The following DNAH14 variants were observed in gnomAD, a reference collection of about 807,000 sequenced individuals.
DNAH14 encodes axonemal beta dynein heavy chain 14.
DNAH14 carries 478 observed loss-of-function variants against 520.9 expected under a neutral mutation model. That is an observed-to-expected ratio of 0.92 (90% confidence interval 0.85 to 0.99). The LOEUF is 0.99. DNAH14 is among the 50% of genes least tolerant of loss of function. The pLI is 0.00. For missense variants in DNAH14, 4,831 were observed against 5,234.5 expected, an observed-to-expected ratio of 0.92 and a Z score of 2.38; for synonymous variants, 1,581 against 1,757.2, an observed-to-expected ratio of 0.90 and a Z score of 2.51.
intron 27 of DNAH14, among the ~76,000 whole-genome samples, chr1:225,135,087 G>A (rs2078834176): frequency 6.6e-6 from 1 of 151,902 alleles, no homozygotes; most frequent in Non-Finnish European, 1.5e-5. Context: ...CTAGCAAATG[G>A]TGTATCTATT....
At chr1:224,947,914 C>T (rs185467024) in intron 1 of DNAH14, among the ~76,000 whole-genome samples, 3 of 152,056 alleles carry the variant, frequency 2.0e-5, no homozygotes, top group East Asian at 3.9e-4. Flanking sequence ...GATGATAAAT[C>T]ATTTCAAATT....
intron 27 of DNAH14, among the ~76,000 whole-genome samples, chr1:225,127,804 C>T (rs985519492): frequency 1.3e-5 from 2 of 152,060 alleles, no homozygotes; most frequent in East Asian, 1.9e-4. Context: ...TTCCTAGTCT[C>T]GATGATCTTT....
chr1:224,990,834 A>G (rs543920075), intron 8 of DNAH14, among the ~76,000 whole-genome samples: 1 of 152,280 alleles, frequency 6.6e-6, no homozygotes, highest in African/African-American at 2.4e-5. Context: ...GTTGAATCAT[A>G]AGGTAACTTT....
At chr1:225,212,003 C>A (rs2088507276) in intron 41 of DNAH14, among the ~76,000 whole-genome samples, 1 of 151,622 alleles carries the variant, frequency 6.6e-6, no homozygotes, top group Admixed American at 6.6e-5. Context: ...GTGTGCTGCA[C>A]CTGTTAACTC....
chr1:225,155,726 A>T (rs983335811), intron 34 of DNAH14, among the ~76,000 whole-genome samples: 1 of 152,138 alleles, frequency 6.6e-6, no homozygotes, highest in African/African-American at 2.4e-5. Flanking sequence ...AGTATACAGG[A>T]AACTGTCTCC....
At chr1:225,001,446 TG>T (rs1198425023) in intron 8 of DNAH14, among the ~76,000 whole-genome samples, 1 of 152,188 alleles carries the variant, frequency 6.6e-6, no homozygotes, top group African/African-American at 2.4e-5. Context: ...GAATGTATTT[TG>T]TTTTCTTTTG....
chr1:225,124,225 G>A (rs950747263), intron 27 of DNAH14, among the ~76,000 whole-genome samples: 3 of 152,194 alleles, frequency 2.0e-5, no homozygotes, highest in African/African-American at 7.2e-5. Context: ...ACCGATCAGG[G>A]TGGTGGTTGC....
intron 36 of DNAH14, among the ~76,000 whole-genome samples, chr1:225,173,564 C>G (rs1158709636): frequency 6.6e-6 from 1 of 152,140 alleles, no homozygotes; most frequent in Non-Finnish European, 1.5e-5. Flanking sequence ...AATGAGATAC[C>G]ATTTCACACC....
intron 27 of DNAH14, among the ~76,000 whole-genome samples, chr1:225,127,767 A>C (rs1038400319): frequency 3.3e-5 from 5 of 151,954 alleles, no homozygotes; most frequent in Non-Finnish European, 7.4e-5. Flanking sequence ...TTAGCTGGTT[A>C]TTTTGCTCAT....
intron 42 of DNAH14, among the ~76,000 whole-genome samples, chr1:225,234,623 A>G (rs538924270): frequency 1.3e-5 from 2 of 152,220 alleles, no homozygotes; most frequent in African/African-American, 4.8e-5. Flanking sequence ...TGAATCTCTA[A>G]ATTGCTTTGG....
intron 27 of DNAH14, among the ~76,000 whole-genome samples, chr1:225,130,122 C>T (rs2078228785): frequency 6.6e-6 from 1 of 152,254 alleles, no homozygotes; most frequent in Non-Finnish European, 1.5e-5. Context: ...CAATGAGATA[C>T]CATCTCACAC....
intron 54 of DNAH14, among the ~76,000 whole-genome samples, chr1:225,279,232 C>A (rs546469131): frequency 6.6e-6 from 1 of 152,224 alleles, no homozygotes; most frequent in East Asian, 1.9e-4. Flanking sequence ...GTCTTGAACT[C>A]CTGACCTCAG....
At chr1:225,110,122 AGGGATATGGGCCT>A (rs1208003476) in intron 23 of DNAH14, among the ~76,000 whole-genome samples, 4 of 152,138 alleles carry the variant, frequency 2.6e-5, no homozygotes, top group Non-Finnish European at 5.9e-5. Context: ...AATTTTCACC[AGGGATATGGGCCT>A]GTAGTTTTCT....
chr1:225,148,058 A>G (rs1336555588), intron 31 of DNAH14, among the ~76,000 whole-genome samples: 1 of 152,016 alleles, frequency 6.6e-6, no homozygotes, highest in Non-Finnish European at 1.5e-5. Context: ...TGTTGATTCC[A>G]TGTCTTTGCT....
Position 225,340,467 on chromosome 1 carries a change from T to G in DNAH14, c.10444T>G (p.Ser3482Ala). 1 of 1,550,440 alleles carries G rather than the reference T, an allele frequency of 6.4e-7. No individual in the cohort carries two copies. The highest frequency in any genetic ancestry group is 8.7e-7 in the Non-Finnish European group (1 of 1,146,064). ...EYNSNFRLYL[S>A]TEIDNPHFLP... ...CTTTCTCATGTTCAGGTTATACTTATCTACAGAAATAGACAACCCCCATTT... is the reference window on the plus strand; with the variant it reads ...CTTTCTCATGTTCAGGTTATACTTAGCTACAGAAATAGACAACCCCCATTT... Residue 3482 changes from serine to alanine, a missense_variant, in exon 69 of 86, where the codon TCT (serine) becomes GCT (alanine). Ser to Ala is a moderately conservative substitution (Grantham distance 99). Coordinates refer to ENST00000682510, the MANE Select transcript of DNAH14 (RefSeq NM_001367479.1).
At chr1:225,168,492 C>A (rs2082263607) in intron 36 of DNAH14, among the ~76,000 whole-genome samples, 1 of 152,196 alleles carries the variant, frequency 6.6e-6, no homozygotes, top group Non-Finnish European at 1.5e-5. Flanking sequence ...AACAGCACAC[C>A]AGGAGATTAT....
chr1:225,237,298 C>A (rs1004609580), intron 42 of DNAH14, among the ~76,000 whole-genome samples: 1 of 152,006 alleles, frequency 6.6e-6, no homozygotes, highest in African/African-American at 2.4e-5. Flanking sequence ...GGAGTTCTTG[C>A]AAGGCAGGCC....
chr1:225,005,265 CT>C (rs1327185818), intron 9 of DNAH14, among the ~76,000 whole-genome samples: 1 of 152,126 alleles, frequency 6.6e-6, no homozygotes, highest in Non-Finnish European at 1.5e-5. Context: ...TGTCCCACTC[CT>C]TTTGCAAGAG....
intron 71 of DNAH14, 42 bp from the exon 72 acceptor site, chr1:225,351,605 G>T: frequency 1.4e-6 from 2 of 1,424,046 alleles, no homozygotes; most frequent in Admixed American, 2.4e-5. Flanking sequence ...AAAAGGTAAA[G>T]GTTTATCTCT....
Sources: gnomAD v4.1 joint callset for allele counts (sites outside exome capture counted in the v4.1 genomes callset) on GRCh38, gnomAD v4.1.1 for gene constraint, MANE v1.5 for transcripts, NCBI Gene and HGNC (gene_info 2026-07-23, HGNC 2026-07-21) for gene names.